The following MED24 variants were observed in gnomAD, a reference collection of about 807,000 sequenced individuals.
MED24 encodes the protein mediator complex subunit 24.
A neutral mutation model predicts 118.8 loss-of-function variants in MED24; 74 were observed. The ratio of observed to expected loss-of-function variants is 0.62; its 90% CI spans 0.52 to 0.76. The LOEUF (loss-of-function observed/expected upper bound fraction) is 0.76. Ranked by LOEUF, MED24 falls within the 30% of genes least tolerant of loss-of-function variation. The pLI is 0.00. For synonymous variants in MED24, 521 were observed against 523.9 expected, an observed-to-expected ratio of 0.99 and a Z score of 0.08; for missense variants, 1,041 against 1,278.9, an observed-to-expected ratio of 0.81 and a Z score of 2.84.
intron 3 of MED24, among the ~76,000 whole-genome samples, chr17:40,050,678 T>C (rs1176369813): frequency 6.6e-6 from 1 of 152,044 alleles, no homozygotes; most frequent in East Asian, 1.9e-4. Flanking sequence ...ACACAACGTG[T>C]GCACATATAG....
At chr17:40,045,676 A>C (rs1242967163) in intron 3 of MED24, among the ~76,000 whole-genome samples, 2 of 151,940 alleles carry the variant, frequency 1.3e-5, no homozygotes, top group East Asian at 3.9e-4. Flanking sequence ...TCCAAGCTAC[A>C]GGTGCAGGAG....
At chr17:40,023,955 C>G (rs1317045469) in intron 19 of MED24, among the ~76,000 whole-genome samples, 3 of 152,184 alleles carry the variant, frequency 2.0e-5, no homozygotes, top group Admixed American at 1.3e-4. Flanking sequence ...CTGACTGTTC[C>G]TGGAATGCAG....
chr17:40,043,830 G>C (rs1407089046), intron 3 of MED24, among the ~76,000 whole-genome samples: 2 of 148,966 alleles, frequency 1.3e-5, no homozygotes, highest in African/African-American at 2.5e-5. Context: ...GGTGGAGCTT[G>C]CAGTGAACCG....
intron 25 of MED24, 43 bp downstream of exon 25, chr17:40,019,742 G>A (rs368735015): frequency 2.2e-5 from 35 of 1,604,860 alleles, no homozygotes; most frequent in Middle Eastern, 1.7e-4. Context: ...GGGCTGCCCC[G>A]AGGCCCCAGC....
chr17:40,033,276 T>A lies in MED24; in HGVS notation c.671+69A>T. The A allele has an allele frequency of 6.2e-7, 1 of 1,611,722 alleles. No homozygotes were observed. The highest frequency in any genetic ancestry group is 8.5e-7 in the Non-Finnish European group (1 of 1,179,354). On this transcript the variant is annotated intron_variant, in intron 7 of 25. Coordinates refer to ENST00000394128, the MANE Select transcript of MED24 (RefSeq NM_014815.4). This position sits in a 1 kb window ranked among gnomAD's most constrained non-coding sequence, Gnocchi z 5.2. ...GTGAAGGCGGAGAGGATGGCACGGG[T>A]GCCACATCTTCCTACCCCAGGGCGT...
In MED24 at chr17:40,043,890, C is replaced by CAAAAAAAAAAAAAAACA. The variant is rs35743512; in HGVS notation, c.214-7737_214-7736insTGTTTTTTTTTTTTTTT. 9.2e-5 allele frequency among the ~76,000 whole-genome samples: 9 copies of CAAAAAAAAAAAAAAACA among 97,462 alleles called. 1 individual carries two copies. The South Asian group carries it at 2.5e-3, about 27-fold the overall frequency. 63.9% of individuals were successfully genotyped at this position (97,462 alleles called of 152,430 possible). ...TGGGCAGAAGAGCGAGACTCCATCT[C>CAAAAAAAAAAAAAAACA]AAAAAAAAAAAAAACAAAGATTTAA... On this transcript the variant is annotated intron_variant, in intron 3 of 25. Coordinates refer to ENST00000394128, the MANE Select transcript of MED24 (RefSeq NM_014815.4).
intron 19 of MED24, among the ~76,000 whole-genome samples, chr17:40,025,919 CCT>C (rs1320100538): frequency 6.6e-6 from 1 of 151,656 alleles, no homozygotes; most frequent in Non-Finnish European, 1.5e-5. Flanking sequence ...GCGGGCAGAC[CCT>C]GTTTAGGGTC....
At chr17:40,020,098 G>T in intron 24 of MED24, 165 bp from the exon 25 acceptor site, 3 of 951,340 alleles carry the variant, frequency 3.2e-6, no homozygotes, top group Non-Finnish European at 1.6e-6. Flanking sequence ...GGGGAGGGGA[G>T]GAGGGGGAAC....
rs1983860685 is a variant in MED24, at chr17:40,035,706, T to G, written c.326+16A>C. 1.9e-6 allele frequency: 3 copies of G among 1,611,750 alleles called. No individual in the cohort carries two copies. Among genetic ancestry groups the G allele is most frequent in the Non-Finnish European group, 2.5e-6 (3 of 1,178,042 alleles). ...CTGGAACATTGTATTGTGAGCCCCC[T>G]TACCCCTGCCCTTACCTCAGACGGT... On this transcript the variant is annotated intron_variant, in intron 5 of 25. Coordinates refer to ENST00000394128, the MANE Select transcript of MED24 (RefSeq NM_014815.4).
At chr17:40,020,607 C>A in intron 23 of MED24, 1 of 620,922 alleles carries the variant, frequency 1.6e-6, no homozygotes, top group Non-Finnish European at 2.7e-6. Flanking sequence ...TGGCAACTAG[C>A]GAGACCTCAT....
At chr17:40,030,102 G>A (rs555525383) in intron 12 of MED24, among the ~76,000 whole-genome samples, 10 of 151,748 alleles carry the variant, frequency 6.6e-5, no homozygotes, top group Admixed American at 6.6e-5. Flanking sequence ...GCACGATCTC[G>A]GCTCACTGCA....
At chr17:40,031,474 A>G in intron 11 of MED24, 64 bp downstream of exon 11, 1 of 1,486,036 alleles carries the variant, frequency 6.7e-7, no homozygotes, top group South Asian at 1.2e-5. Context: ...TCTCTGGCAC[A>G]GAGATCAGGG....
intron 15 of MED24, 146 bp from the exon 16 acceptor site, chr17:40,027,611 G>T: frequency 2.6e-6 from 2 of 766,130 alleles, no homozygotes; most frequent in Non-Finnish European, 4.2e-6. Flanking sequence ...CTTTTCTTGA[G>T]TCTCAACTGG....
At chr17:40,032,902 G>A in intron 8 of MED24, 140 bp from the exon 9 acceptor site, 1 of 1,324,550 alleles carries the variant, frequency 7.5e-7, no homozygotes, top group Non-Finnish European at 1.0e-6. Context: ...GGGGAGTAAG[G>A]TCCAATGACA....
chr17:40,031,355 TG>T, intron 11 of MED24, 110 bp from the exon 12 acceptor site: 1 of 1,278,294 alleles, frequency 7.8e-7, no homozygotes. Context: ...GAGGAAAATC[TG>T]GAGTGCCTGA....
rs970425242 is a variant in MED24, at chr17:40,022,384, G to A, written c.2523+10C>T. ...CAAGTGAAGCCGGCGAGGGCAGCTG[G>A]GGGGCCTACCTCAATGTCTTCGCGG... On this transcript the variant is annotated intron_variant, in intron 22 of 25. Transcript: ENST00000394128. 6.2e-7 allele frequency: 1 copy of A among 1,602,886 alleles called. No individual in the cohort carries two copies. The highest frequency in any genetic ancestry group is 8.5e-7 in the Non-Finnish European group (1 of 1,174,842).
rs756927083 is a variant in MED24 at position 40,027,970 on chromosome 17, C to CATTGA, written c.1410-29_1410-25dup. On this transcript the variant is annotated intron_variant, in intron 14 of 25. Coordinates refer to ENST00000394128, the MANE Select transcript of MED24 (RefSeq NM_014815.4). Reference sequence around the variant, plus strand: ...AACTGAAAGGAATGGAGACAGGCTGCATTGACCAGGGCATGAGCTGAGCAG... The same window carrying CATTGA: ...AACTGAAAGGAATGGAGACAGGCTGCATTGAATTGACCAGGGCATGAGCTGAGCAG... The CATTGA allele has an allele frequency of 5.6e-6, 9 of 1,613,216 alleles. No homozygotes were observed. The Admixed American group carries it at 1.5e-4, about 27-fold the overall frequency.
At chr17:40,050,956 G>A (rs1321385423) in intron 3 of MED24, among the ~76,000 whole-genome samples, 2 of 152,030 alleles carry the variant, frequency 1.3e-5, no homozygotes, top group South Asian at 2.1e-4. Context: ...GACTAACGTG[G>A]AGAAACCCAG....
chr17:40,037,129 C>T (rs1598354710), intron 3 of MED24, among the ~76,000 whole-genome samples: 2 of 151,158 alleles, frequency 1.3e-5, no homozygotes, highest in South Asian at 4.2e-4. Flanking sequence ...TGCAGTGAGA[C>T]GAAATCTTGC....
Sources: allele counts gnomAD v4.1 joint callset (sites outside exome capture counted in the v4.1 genomes callset), GRCh38; gene constraint gnomAD v4.1.1; non-coding constraint Gnocchi (gnomAD v3.1); transcripts MANE v1.5; gene names NCBI Gene and HGNC (gene_info 2026-07-23, HGNC 2026-07-21).